The following NDFIP1 variants were observed in gnomAD, a reference collection of about 807,000 sequenced individuals.
The protein encoded by NDFIP1 is Nedd4 family interacting protein 1.
In NDFIP1, 7 loss-of-function variants were observed where a neutral mutation model predicts 28.8. The ratio of observed to expected loss-of-function variants is 0.24; its 90% CI spans 0.14 to 0.46. The LOEUF (loss-of-function observed/expected upper bound fraction) is 0.46, where lower values mean the gene tolerates loss of function less well. Ranked by LOEUF, NDFIP1 falls within the 20% of genes least tolerant of loss-of-function variation. The pLI is 0.99. For missense variants in NDFIP1, 194 were observed against 269.1 expected (o/e 0.72, Z 1.95); for synonymous variants, 92 against 101.0 (o/e 0.91, Z 0.53).
intron 1 of NDFIP1, among the ~76,000 whole-genome samples, chr5:142,109,553 T>TA (rs1561596003): frequency 6.6e-6 from 1 of 152,002 alleles, no homozygotes; most frequent in Non-Finnish European, 1.5e-5. Flanking sequence ...AAGACAAAAG[T>TA]AAAAAATGAA....
At chr5:142,116,658 G>A (rs1561597904) in intron 1 of NDFIP1, among the ~76,000 whole-genome samples, 1 of 151,792 alleles carries the variant, frequency 6.6e-6, no homozygotes, top group African/African-American at 2.4e-5. Flanking sequence ...ACCATGCCCA[G>A]GCTACCTTCA....
At chr5:142,148,498 C>T (rs1757413486) in intron 7 of NDFIP1, among the ~76,000 whole-genome samples, 1 of 152,080 alleles carries the variant, frequency 6.6e-6, no homozygotes, top group African/African-American at 2.4e-5. Flanking sequence ...CGCCTGTAAT[C>T]CCAGCACTTT....
At chr5:142,128,538 T>C (rs1757193483) in intron 1 of NDFIP1, among the ~76,000 whole-genome samples, 1 of 152,182 alleles carries the variant, frequency 6.6e-6, no homozygotes. Context: ...TGCATGCAGA[T>C]GGCAGGCACT....
chr5:142,141,938 A>G (rs1561604213), intron 6 of NDFIP1, among the ~76,000 whole-genome samples: 1 of 152,146 alleles, frequency 6.6e-6, no homozygotes, highest in African/African-American at 2.4e-5. Flanking sequence ...TTTTAAGACC[A>G]GCCTGGGCAA....
At chr5:142,148,050 T>C (rs1757408249) in intron 7 of NDFIP1, among the ~76,000 whole-genome samples, 1 of 152,218 alleles carries the variant, frequency 6.6e-6, no homozygotes, top group African/African-American at 2.4e-5. Flanking sequence ...AGGTAGGGAA[T>C]TTTTAAAATA....
chr5:142,113,324 G>A (rs987359600), intron 1 of NDFIP1, among the ~76,000 whole-genome samples: 1 of 152,194 alleles, frequency 6.6e-6, no homozygotes, highest in African/African-American at 2.4e-5. Flanking sequence ...CCATATTCAT[G>A]TTAAATTATT....
At chr5:142,133,839 G>T (rs572698685) in intron 3 of NDFIP1, among the ~76,000 whole-genome samples, 17 of 152,212 alleles carry the variant, frequency 1.1e-4, no homozygotes, top group African/African-American at 3.9e-4. Flanking sequence ...TAGGGTAAAG[G>T]GCCCACAAAT....
intron 1 of NDFIP1, among the ~76,000 whole-genome samples, chr5:142,117,803 C>T (rs1757085129): frequency 6.7e-6 from 1 of 149,890 alleles, no homozygotes; most frequent in African/African-American, 2.5e-5. Flanking sequence ...TCTCGGCTCA[C>T]TGCAACCCTC....
intron 3 of NDFIP1, among the ~76,000 whole-genome samples, chr5:142,134,815 G>T (rs912465969): frequency 2.0e-5 from 3 of 152,198 alleles, no homozygotes; most frequent in African/African-American, 7.2e-5. Context: ...GGATGGAAAA[G>T]ATCTTATCTG....
At position 142,116,476 on chromosome 5, in the gene NDFIP1, C is replaced by A. The variant is rs184989218; in HGVS notation, c.63+7439C>A. 2.7e-3 allele frequency among the ~76,000 whole-genome samples: 405 copies of A among 152,086 alleles called. 2 individuals carry two copies. Among genetic ancestry groups the A allele is most frequent in the African/African-American group, 9.3e-3 (387 of 41,460 alleles). On this transcript the variant is annotated intron_variant, in intron 1 of 7. Coordinates refer to ENST00000253814, the MANE Select transcript of NDFIP1 (RefSeq NM_030571.4). ...CCCTGCCTTCCAGTTTGAAGCCATT[C>A]TCCTGCCTCAGCCTCTGGAGTAGCT...
intron 1 of NDFIP1, among the ~76,000 whole-genome samples, chr5:142,131,481 G>T (rs1757226297): frequency 6.6e-6 from 1 of 152,164 alleles, no homozygotes. Flanking sequence ...TGCCATGTTG[G>T]CCAGGATGGC....
intron 6 of NDFIP1, among the ~76,000 whole-genome samples, chr5:142,141,669 G>A (rs562334645): frequency 6.6e-6 from 1 of 152,272 alleles, no homozygotes; most frequent in African/African-American, 2.4e-5. Context: ...GGGCCATCTT[G>A]TGGCTATTAA....
intron 1 of NDFIP1, among the ~76,000 whole-genome samples, chr5:142,112,734 C>T (rs1289976384): frequency 1.4e-5 from 2 of 138,422 alleles, no homozygotes; most frequent in African/African-American, 5.5e-5. Context: ...TGCAGTGAGC[C>T]GAGATCGCGC....
At chr5:142,122,198 C>G (rs1297512162) in intron 1 of NDFIP1, among the ~76,000 whole-genome samples, 1 of 152,194 alleles carries the variant, frequency 6.6e-6, no homozygotes, top group African/African-American at 2.4e-5. Flanking sequence ...TCCAGTCACT[C>G]TCCTCCCGGG....
chr5:142,143,020 T>C (rs1389559132), intron 6 of NDFIP1: 1 of 148,128 alleles, frequency 6.8e-6, no homozygotes, highest in Non-Finnish European at 1.5e-5. Context: ...ATTCGGGTCA[T>C]TTTGGGAACT....
At position 142,144,469 on chromosome 5, in the gene NDFIP1, G is replaced by A. The variant is rs542215892; in HGVS notation, c.563-102G>A. 18 of 830,984 alleles carry A rather than the reference G, an allele frequency of 2.2e-5. No homozygotes were observed. In the South Asian group the frequency reaches 3.0e-4, roughly 14 times the overall value. 51.5% of individuals were successfully genotyped at this position (830,984 alleles called of 1,614,324 possible). On this transcript the variant is annotated intron_variant, in intron 6 of 7. Transcript: ENST00000253814. ...ATTGCTAATGTTTTGATTACCTTTA[G>A]CAGAAAAATAACAATGTATCGCTAT...
intron 1 of NDFIP1, among the ~76,000 whole-genome samples, chr5:142,127,054 C>T (rs951827889): frequency 2.6e-5 from 4 of 152,068 alleles, no homozygotes; most frequent in African/African-American, 7.2e-5. Context: ...CTCACTTTGT[C>T]GCCCAGGCTG....
intron 1 of NDFIP1, among the ~76,000 whole-genome samples, chr5:142,118,194 T>C (rs1482404810): frequency 3.3e-5 from 5 of 152,232 alleles, no homozygotes; most frequent in Non-Finnish European, 7.3e-5. Flanking sequence ...GTCTGTACTT[T>C]GTTCAGATTT....
At chr5:142,149,803 G>A (rs1161930520) in intron 7 of NDFIP1, among the ~76,000 whole-genome samples, 2 of 152,118 alleles carry the variant, frequency 1.3e-5, no homozygotes, top group Non-Finnish European at 2.9e-5. Context: ...TAAGGAAGTG[G>A]CCAGGTAATT....
Sources: allele counts gnomAD v4.1 joint callset (sites outside exome capture counted in the v4.1 genomes callset), GRCh38; gene constraint gnomAD v4.1.1; transcripts MANE v1.5; gene names NCBI Gene and HGNC (gene_info 2026-07-23, HGNC 2026-07-21).